RAPH1: variants seen among roughly 807,000 people sequenced by gnomAD.
RAPH1 encodes Ras association (RalGDS/AF-6) and pleckstrin homology domains 1.
RAPH1 carries 18 observed loss-of-function variants against 88.1 expected under a neutral mutation model. The ratio of observed to expected loss-of-function variants is 0.20; its 90% CI spans 0.14 to 0.30. RAPH1 has a LOEUF of 0.30. Among genes scored for constraint, RAPH1 ranks in the 10% least tolerant of loss-of-function variants. The probability of loss-of-function intolerance (pLI) is 1.00; values close to 1 mark genes in which losing one functional copy is unlikely to be tolerated. For missense variants in RAPH1, 1,448 were observed against 1,543.2 expected (o/e 0.94, Z 1.03); for synonymous variants, 587 against 559.0 (o/e 1.05, Z -0.71).
intron 1 of RAPH1, among the ~76,000 whole-genome samples, chr2:203,502,617 T>G (rs570697464): frequency 2.1e-3 from 314 of 150,840 alleles, no homozygotes; most frequent in African/African-American, 7.2e-3. Flanking sequence ...GTCAGGAGAT[T>G]GAGACCATCC....
intron 1 of RAPH1, among the ~76,000 whole-genome samples, chr2:203,523,626 G>A (rs1337441969): frequency 6.6e-6 from 1 of 151,954 alleles, no homozygotes; most frequent in Non-Finnish European, 1.5e-5. Context: ...ATTTATTAGG[G>A]CACAAACGAC....
Position 203,440,719 on chromosome 2 carries a change from A to G in RAPH1, c.2471T>C (p.Ile824Thr). 7 of 1,604,504 alleles carry G rather than the reference A, an allele frequency of 4.4e-6. No homozygotes were observed. The highest frequency in any genetic ancestry group is 6.0e-6 in the Non-Finnish European group (7 of 1,174,904). The change falls in exon 14 of 14, where the codon ATT (isoleucine) becomes ACT (threonine). Residue 824 changes from isoleucine to threonine, a missense_variant. By Grantham distance (89) the Ile-to-Thr change is moderately conservative (BLOSUM62 -1). Coordinates refer to ENST00000319170, the MANE Select transcript of RAPH1 (RefSeq NM_213589.3). ...AGGAGGGGTAGGGGGAGAGGGTGGA[A>G]TGTAAGAAGCAGGGAAAGCTGGCTG... ...KKQPAFPASY[I>T]PPSPPTPPVP...
At position 203,436,267 on chromosome 2, in the gene RAPH1, T is replaced by C. The variant is rs1396097167; in HGVS notation, c.*3170A>G. On this transcript the variant is annotated 3_prime_UTR_variant, in exon 14 of 14. Coordinates refer to ENST00000319170, the MANE Select transcript of RAPH1 (RefSeq NM_213589.3). ...GTTTGAAATTTTCTGATGAAAAGTCTTTTGTAACTTAACATTCCACATTTT... is the reference window on the plus strand; with the variant it reads ...GTTTGAAATTTTCTGATGAAAAGTCCTTTGTAACTTAACATTCCACATTTT... 6.6e-6 allele frequency: 1 copy of C among 152,224 alleles called. No individual in the cohort carries two copies. Among genetic ancestry groups the C allele is most frequent in the African/African-American group, 2.4e-5 (1 of 41,454 alleles). The allele number at this position is 152,224 out of a possible 1,614,324, so 9.4% of individuals were successfully genotyped here.
intron 2 of RAPH1, among the ~76,000 whole-genome samples, chr2:203,492,641 GTAGT>G (rs894754394): frequency 2.0e-5 from 3 of 152,190 alleles, no homozygotes; most frequent in African/African-American, 7.2e-5. Context: ...GAAAGGGTCA[GTAGT>G]TATTGTTTAA....
In RAPH1 at chr2:203,489,839, C is replaced by T. The variant is rs1026166769; in HGVS notation, c.477G>A (p.Gln159=). Residue 159 remains glutamine, a synonymous_variant, in exon 4 of 14, where the codon CAG becomes CAA. Coordinates refer to ENST00000319170, the MANE Select transcript of RAPH1 (RefSeq NM_213589.3). ...CCATACTCAAAGAGGCCTGTTCTAA[C>T]TGTGCAGTGACGTCGTCCAAGGAGT... ...ASYSLDDVTA[Q]LEQASLSMDE... is the part of the protein sequence containing the mutation. 2.5e-6 allele frequency: 4 copies of T among 1,614,132 alleles called. No homozygotes were observed. The highest frequency in any genetic ancestry group is 3.4e-6 in the Non-Finnish European group (4 of 1,180,044).
intron 4 of RAPH1, among the ~76,000 whole-genome samples, chr2:203,487,681 G>A (rs931947676): frequency 6.6e-5 from 10 of 151,992 alleles, no homozygotes; most frequent in African/African-American, 1.5e-4. Context: ...CACCACGTCC[G>A]GCCTAGAAAT....
intron 1 of RAPH1, among the ~76,000 whole-genome samples, chr2:203,516,680 T>C (rs753619440): frequency 2.6e-5 from 4 of 151,862 alleles, no homozygotes; most frequent in Non-Finnish European, 5.9e-5. Context: ...TTCAGTGAGC[T>C]GAGATAGCAC....
intron 2 of RAPH1, among the ~76,000 whole-genome samples, chr2:203,492,125 T>C (rs1688294131): frequency 6.6e-6 from 1 of 151,636 alleles, no homozygotes; most frequent in Admixed American, 6.6e-5. Context: ...TCCCAGCTAC[T>C]TGGCAGGCTG....
intron 4 of RAPH1, among the ~76,000 whole-genome samples, chr2:203,479,051 T>C (rs1287192265): frequency 1.3e-5 from 2 of 152,170 alleles, no homozygotes; most frequent in African/African-American, 4.8e-5. Context: ...TATTAACGAA[T>C]ATACGGGAAT....
At chr2:203,475,109 T>G (rs991242219) in intron 4 of RAPH1, among the ~76,000 whole-genome samples, 1 of 151,096 alleles carries the variant, frequency 6.6e-6, no homozygotes, top group Non-Finnish European at 1.5e-5. Context: ...AGACTGCATC[T>G]TAAAGAAATA....
In RAPH1 at chr2:203,440,922, A is replaced by C. The variant is rs1407889947; in HGVS notation, c.2268T>G (p.Thr756=). The change falls in exon 14 of 14, where the codon ACT becomes ACG. Residue 756 remains threonine, a synonymous_variant. Transcript: ENST00000319170. ...GGGGGGGTGTTGGGGGAGCCACCTG[A>C]GTAATATGCTGAACTTGATGGATCT... ...PLKIHQVQHI[T]QVAPPTPPPP... 6.5e-7 allele frequency: 1 copy of C among 1,546,034 alleles called. No homozygotes were observed. The highest frequency in any genetic ancestry group is 1.2e-5 in the South Asian group (1 of 81,312).
intron 13 of RAPH1, 179 bp from the exon 14 acceptor site, chr2:203,441,592 T>G: frequency 1.5e-6 from 2 of 1,352,922 alleles, no homozygotes; most frequent in Non-Finnish European, 1.9e-6. Context: ...AAAATCTGAT[T>G]GTGCGGGCAA....
chr2:203,461,543 C>A, intron 5 of RAPH1, 135 bp from the exon 6 acceptor site: 2 of 610,060 alleles, frequency 3.3e-6, no homozygotes, highest in Non-Finnish European at 5.1e-6. Context: ...CTTCATTATG[C>A]AAAAATATAG....
intron 4 of RAPH1, among the ~76,000 whole-genome samples, chr2:203,468,170 T>C (rs1411076220): frequency 6.6e-6 from 1 of 152,238 alleles, no homozygotes; most frequent in East Asian, 1.9e-4. Context: ...ACATAGTAGA[T>C]ACTCAGTAAA....
intron 1 of RAPH1, among the ~76,000 whole-genome samples, chr2:203,497,483 A>G (rs1379052297): frequency 1.3e-5 from 2 of 152,160 alleles, no homozygotes; most frequent in Admixed American, 6.5e-5. Flanking sequence ...ACTATATAAA[A>G]TTTTGCAGAA....
rs1300065223 is a variant in RAPH1, at chr2:203,455,470, A to G, written c.1269T>C (p.Ser423=). The G allele has an allele frequency of 3.1e-6, 5 of 1,613,938 alleles. No homozygotes were observed. The highest frequency in any genetic ancestry group is 4.2e-6 in the Non-Finnish European group (5 of 1,179,954). ...WKKRYFLLRA[S]GIYYVPKGKA... Reference sequence around the variant, plus strand: ...TTCCTTTGGGAACATAGTAGATACCAGATGCTCGCAAGAGAAAATAACGCT... The same window carrying G: ...TTCCTTTGGGAACATAGTAGATACCGGATGCTCGCAAGAGAAAATAACGCT... The change falls in exon 9 of 14, where the codon TCT becomes TCC. Residue 423 remains serine (S), a synonymous_variant. Transcript: ENST00000319170.
At chr2:203,470,880 T>C (rs1431337782) in intron 4 of RAPH1, among the ~76,000 whole-genome samples, 1 of 152,178 alleles carries the variant, frequency 6.6e-6, no homozygotes, top group Non-Finnish European at 1.5e-5. Context: ...ATTAACCCAC[T>C]CATTATTATC....
In RAPH1 at chr2:203,441,397, A is replaced by G. The variant is rs774729103; in HGVS notation, c.1793T>C (p.Met598Thr). ...EESSKARMES[M>T]NRPYTSLVPP... Reference sequence around the variant, plus strand: ...CACAAGTGAAGTGTAGGGCCGATTCATAGACTCCATTCTGGCCTAAAAGGA... The same window carrying G: ...CACAAGTGAAGTGTAGGGCCGATTCGTAGACTCCATTCTGGCCTAAAAGGA... The change falls in exon 14 of 14, where the codon ATG becomes ACG. Residue 598 changes from methionine (M) to threonine (T), a missense_variant. Coordinates refer to ENST00000319170, the MANE Select transcript of RAPH1 (RefSeq NM_213589.3). 3.2e-6 allele frequency: 5 copies of G among 1,557,008 alleles called. No homozygotes were observed. Among genetic ancestry groups the G allele is most frequent in the Non-Finnish European group, 4.3e-6 (5 of 1,154,764 alleles).
chr2:203,485,821 G>T lies in RAPH1; in HGVS notation c.732+3763C>A, dbSNP rs1277260886. On this transcript the variant is annotated intron_variant, in intron 4 of 13. Coordinates refer to ENST00000319170, the MANE Select transcript of RAPH1 (RefSeq NM_213589.3). The stretch of plus-strand genomic sequence containing the variant: ...TGACATCTAGTGTGTACAGGCCAGG[G>T]ATGCTGCTAAACATCCTACAGTGCA... 2.0e-5 allele frequency among the ~76,000 whole-genome samples: 3 copies of T among 152,168 alleles called. No individual in the cohort carries two copies. In the East Asian group the frequency reaches 5.8e-4, roughly 29 times the overall value.
Sources: allele counts gnomAD v4.1 joint callset (sites outside exome capture counted in the v4.1 genomes callset), GRCh38; gene constraint gnomAD v4.1.1; transcripts MANE v1.5; gene names NCBI Gene and HGNC (gene_info 2026-07-23, HGNC 2026-07-21).